BTBD7: variants seen among roughly 807,000 people sequenced by gnomAD.
BTBD7 encodes the protein BTB/POZ domain-containing protein 7.
In BTBD7, 38 loss-of-function variants were observed where a neutral mutation model predicts 99.9. The ratio of observed to expected loss-of-function variants is 0.38; its 90% CI spans 0.29 to 0.50. The LOEUF (loss-of-function observed/expected upper bound fraction) is 0.50. Ranked by LOEUF, BTBD7 falls within the 20% of genes least tolerant of loss-of-function variation. The pLI is 0.93. For missense variants in BTBD7, 1,170 were observed against 1,394.6 expected (o/e 0.84, Z 2.57); for synonymous variants, 520 against 511.4 (o/e 1.02, Z -0.23).
At position 93,242,855 on chromosome 14, in the gene BTBD7, T is replaced by C. The variant is rs753933887; in HGVS notation, c.2817A>G (p.Pro939=). ...LEQKTDTREN[P]QEYPDFYDFS... The stretch of plus-strand genomic sequence containing the variant: ...AGTCATAGAAATCCGGATATTCCTG[T>C]GGATTTTCTCTGGTGTCTGTTTTTT... The change falls in exon 11 of 11, where the codon CCA becomes CCG. Residue 939 remains proline, a synonymous_variant. Transcript: ENST00000334746. 2 of 1,614,150 alleles carry C rather than the reference T, an allele frequency of 1.2e-6. No homozygotes were observed. The highest frequency in any genetic ancestry group is 2.2e-5 in the South Asian group (2 of 91,080).
intron 10 of BTBD7, chr14:93,244,132 A>T: frequency 2.1e-6 from 1 of 483,364 alleles, no homozygotes; most frequent in South Asian, 1.5e-5. Context: ...GCAGCATGAC[A>T]GGAAGCAGAG....
intron 3 of BTBD7, among the ~76,000 whole-genome samples, chr14:93,265,306 G>C (rs565498763): frequency 6.6e-6 from 1 of 152,270 alleles, no homozygotes; most frequent in African/African-American, 2.4e-5. Flanking sequence ...TCCCCTTTCT[G>C]ATACGCTACC....
chr14:93,282,815 T>G (rs1054503551), intron 3 of BTBD7, among the ~76,000 whole-genome samples: 7 of 152,204 alleles, frequency 4.6e-5, no homozygotes, highest in African/African-American at 1.7e-4. Context: ...CCATTCATTT[T>G]GTATTCCTTG....
intron 3 of BTBD7, among the ~76,000 whole-genome samples, chr14:93,285,996 G>C (rs900077079): frequency 2.0e-5 from 3 of 152,156 alleles, no homozygotes; most frequent in African/African-American, 7.2e-5. Flanking sequence ...CCACAACATG[G>C]AAGCCCAGTG....
chr14:93,251,721 C>T (rs2139685386), intron 7 of BTBD7, 69 bp from the exon 8 acceptor site: 1 of 1,247,146 alleles, frequency 8.0e-7, no homozygotes, highest in Non-Finnish European at 1.1e-6. Flanking sequence ...TGAAGGAAGA[C>T]TATTACTTTC....
chr14:93,267,652 C>G (rs1283324532), intron 3 of BTBD7, among the ~76,000 whole-genome samples: 1 of 152,210 alleles, frequency 6.6e-6, no homozygotes, highest in Non-Finnish European at 1.5e-5. Flanking sequence ...AAAGTCAATT[C>G]ATTTCCTCTG....
intron 3 of BTBD7, among the ~76,000 whole-genome samples, chr14:93,282,305 T>C (rs986246855): frequency 1.3e-5 from 2 of 152,010 alleles, no homozygotes; most frequent in Non-Finnish European, 2.9e-5. Flanking sequence ...TTCCTCTGGA[T>C]GTTTTAGGAG....
rs563556334 is a variant in BTBD7, at chr14:93,261,747, T to A, written c.1372-70A>T. 8.7e-6 allele frequency: 10 copies of A among 1,147,486 alleles called. No homozygotes were observed. In the African/African-American group the frequency reaches 1.4e-4, roughly 16 times the overall value. 71.1% of individuals were successfully genotyped at this position (1,147,486 alleles called of 1,614,324 possible). A position where few individuals can be genotyped will look rare whatever the true frequency, so the allele number is the denominator to read the frequency against. ...AGTGGTTAATTTCATTAAGGACTTT[T>A]CGTAGGTGGGAAATAACAGCATGCA... On this transcript the variant is annotated intron_variant, in intron 4 of 10. Coordinates refer to ENST00000334746, the MANE Select transcript of BTBD7 (RefSeq NM_001002860.4).
intron 1 of BTBD7, among the ~76,000 whole-genome samples, chr14:93,315,370 A>C (rs1426816914): frequency 6.6e-6 from 1 of 152,202 alleles, no homozygotes; most frequent in African/African-American, 2.4e-5. Context: ...GAGATGGATA[A>C]ATTTTCCAAA....
Position 93,332,996 on chromosome 14 carries a change from C to T in BTBD7, c.-283G>A, listed in dbSNP as rs1364605031. On this transcript the variant is annotated 5_prime_UTR_variant, in exon 1 of 11. An upstream open reading frame in the 5' UTR gains an earlier in-frame stop. Coordinates refer to ENST00000334746, the MANE Select transcript of BTBD7 (RefSeq NM_001002860.4). ...AGTGGCTCAGGCTCCGGGACTGCTC[C>T]AGGTTCCCCTCGCCGCCATTTTGAC... 9.1e-6 allele frequency: 5 copies of T among 551,340 alleles called. No individual in the cohort carries two copies. Among genetic ancestry groups the T allele is most frequent in the Admixed American group, 8.6e-5 (2 of 23,206 alleles). The allele number at this position is 551,340 out of a possible 1,614,324, so 34.2% of individuals were successfully genotyped here.
Position 93,295,983 on chromosome 14 carries a change from T to G in BTBD7, c.69A>C (p.Gln23His), listed in dbSNP as rs1180609332. The G allele has an allele frequency of 1.2e-6, 2 of 1,614,034 alleles. No homozygotes were observed. The highest frequency in any genetic ancestry group is 4.5e-5 in the East Asian group (2 of 44,868). ...ACTGAAAGTTACCTATAAAAGTCTG[T>G]TGGGCCTGTGAATTTCCCCCTACCC... is the stretch of plus-strand genomic sequence containing the variant. ...SPRVGGNSQA[Q>H]QTFIGTSSYS... The change falls in exon 2 of 11, where the codon CAA becomes CAC. Residue 23 changes from glutamine (Q) to histidine (H), a missense_variant. By Grantham distance (24) the Gln-to-His change is conservative. This residue lies in a region of BTBD7 where 359 missense variants were observed against 497.9 expected (regional missense o/e 0.72). Coordinates refer to ENST00000334746, the MANE Select transcript of BTBD7 (RefSeq NM_001002860.4).
chr14:93,258,916 C>T (rs78165141), intron 5 of BTBD7, among the ~76,000 whole-genome samples: 4 of 152,138 alleles, frequency 2.6e-5, no homozygotes, highest in Non-Finnish European at 5.9e-5. Flanking sequence ...AAATTTTAAC[C>T]CTTAACAGGC....
chr14:93,253,735 C>T lies in BTBD7; in HGVS notation c.1664G>A (p.Gly555Asp). 4 of 1,613,130 alleles carry T rather than the reference C, an allele frequency of 2.5e-6. No individual in the cohort carries two copies. Among genetic ancestry groups the T allele is most frequent in the Non-Finnish European group, 3.4e-6 (4 of 1,179,358 alleles). ...CCGTAACCAGGCATTTGACTTCCCACCTTCTGTTGTAGGAAGCATATCTGA... is the reference window on the plus strand; with the variant it reads ...CCGTAACCAGGCATTTGACTTCCCATCTTCTGTTGTAGGAAGCATATCTGA... The part of the protein sequence containing the change: ...PPSDMLPTTE[G>D]GKSNAWLRQK... The change falls in exon 7 of 11, where the codon GGT becomes GAT. Residue 555 changes from glycine to aspartate, a missense_variant. Physicochemically the swap from Gly to Asp is moderately conservative, Grantham distance 94 (BLOSUM62 -1). Coordinates refer to ENST00000334746, the MANE Select transcript of BTBD7 (RefSeq NM_001002860.4).
Position 93,310,887 on chromosome 14 carries a change from A to G in BTBD7, c.-106-14730T>C, listed in dbSNP as rs139267038. ...CTTTTTTTGATATTAACAGTTATCA[A>G]TGATCACCAACTAAAGCAATCCATT... On this transcript the variant is annotated intron_variant, in intron 1 of 10. Transcript: ENST00000334746. Among the ~76,000 whole-genome samples the G allele has an allele frequency of 7.0e-3, 1,060 of 151,528 alleles. 12 individuals carry two copies. The highest frequency in any genetic ancestry group is 0.025 in the African/African-American group (1,014 of 41,124).
At chr14:93,330,326 C>T (rs912248391) in intron 1 of BTBD7, among the ~76,000 whole-genome samples, 1 of 152,178 alleles carries the variant, frequency 6.6e-6, no homozygotes, top group Non-Finnish European at 1.5e-5. Context: ...TCATCCTAGT[C>T]TCCTTCTATT....
chr14:93,305,671 C>A (rs2053061561), intron 1 of BTBD7, among the ~76,000 whole-genome samples: 1 of 152,208 alleles, frequency 6.6e-6, no homozygotes, highest in Non-Finnish European at 1.5e-5. Flanking sequence ...CCTGTTAAGG[C>A]AATGAAAGTC....
chr14:93,267,267 G>T (rs556303783), intron 3 of BTBD7, among the ~76,000 whole-genome samples: 132 of 152,302 alleles, frequency 8.7e-4, no homozygotes, highest in Non-Finnish European at 1.6e-3. Flanking sequence ...GAAAAAAAAT[G>T]GGCTTTAAAA....
In BTBD7 at chr14:93,326,135, T is replaced by C. The variant is rs183795403; in HGVS notation, c.-107+6685A>G. Among the ~76,000 whole-genome samples the C allele has an allele frequency of 1.3e-4, 20 of 152,324 alleles. No individual in the cohort carries two copies. In the East Asian group the frequency reaches 3.5e-3, roughly 26 times the overall value. Reference sequence around the variant, plus strand: ...AGTGCTGAATGTTCAAATTTCATTATAAATCTGGAATCAGCAGACACTTGA... The same window carrying C: ...AGTGCTGAATGTTCAAATTTCATTACAAATCTGGAATCAGCAGACACTTGA... On this transcript the variant is annotated intron_variant, in intron 1 of 10. Transcript: ENST00000334746.
At chr14:93,254,828 T>C (rs1007174897) in intron 6 of BTBD7, among the ~76,000 whole-genome samples, 1 of 152,236 alleles carries the variant, frequency 6.6e-6, no homozygotes, top group Admixed American at 6.5e-5. Context: ...TAAGAGTCAT[T>C]GTTAGCAAAC....
Sources: allele counts gnomAD v4.1 joint callset (sites outside exome capture counted in the v4.1 genomes callset), GRCh38; gene constraint gnomAD v4.1.1; regional missense constraint gnomAD v4.1.1; transcripts MANE v1.5; gene names NCBI Gene and HGNC (gene_info 2026-07-23, HGNC 2026-07-21).